The following MYO3B variants were observed in gnomAD, a reference collection of about 807,000 sequenced individuals.
MYO3B encodes the protein myosin IIIB.
In MYO3B, 156 loss-of-function variants were observed where a neutral mutation model predicts 174.6. The ratio of observed to expected loss-of-function variants is 0.89; its 90% confidence interval spans 0.78 to 1.02. MYO3B has a LOEUF of 1.02. MYO3B is among the 50% of genes least tolerant of loss of function. The probability of loss-of-function intolerance (pLI) is 0.00; values close to 1 mark genes in which losing one functional copy is unlikely to be tolerated. For missense variants in MYO3B, 1,632 were observed against 1,639.4 expected (o/e 1.00, Z 0.08); for synonymous variants, 563 against 569.1 (o/e 0.99, Z 0.15).
Position 170,556,703 on chromosome 2 carries a change from G to A in MYO3B, c.3733+12715G>A, listed in dbSNP as rs190424862. On this transcript the variant is annotated intron_variant, in intron 32 of 34. Coordinates refer to ENST00000408978, the MANE Select transcript of MYO3B (RefSeq NM_138995.5). ...CGTCTGGCTAATTTTTTGTATTTCA[G>A]TAGAAACGGGGTTTCACCATGTTAG... 2.6e-3 allele frequency among the ~76,000 whole-genome samples: 398 copies of A among 152,220 alleles called. 8 individuals carry two copies. Among genetic ancestry groups the A allele is most frequent in the East Asian group, 7.2e-3 (37 of 5,168 alleles).
At chr2:170,328,039 C>A (rs1269464853) in intron 7 of MYO3B, among the ~76,000 whole-genome samples, 1 of 151,846 alleles carries the variant, frequency 6.6e-6, no homozygotes, top group Non-Finnish European at 1.5e-5. Flanking sequence ...GTAGCTGATA[C>A]TACAGGCACC....
At chr2:170,585,384 G>T (rs554893333) in intron 32 of MYO3B, among the ~76,000 whole-genome samples, 23 of 151,640 alleles carry the variant, frequency 1.5e-4, no homozygotes, top group Admixed American at 4.6e-4. Flanking sequence ...CCCAAAAAAA[G>T]TATCAGTTCT....
intron 7 of MYO3B, among the ~76,000 whole-genome samples, chr2:170,306,212 G>A (rs1461425774): frequency 6.6e-6 from 1 of 152,164 alleles, no homozygotes; most frequent in Non-Finnish European, 1.5e-5. Flanking sequence ...AAAGACATAG[G>A]AAGTGGAGGC....
chr2:170,226,828 T>C (rs1008796079), intron 6 of MYO3B, among the ~76,000 whole-genome samples: 16 of 152,100 alleles, frequency 1.1e-4, no homozygotes, highest in African/African-American at 3.6e-4. Context: ...CATTTGGAAT[T>C]TTTAAGGCTG....
At chr2:170,528,671 G>C (rs1262778947) in intron 30 of MYO3B, among the ~76,000 whole-genome samples, 4 of 152,178 alleles carry the variant, frequency 2.6e-5, no homozygotes, top group African/African-American at 9.7e-5. Flanking sequence ...TTCCCAAAGT[G>C]CTGAGATTGC....
intron 23 of MYO3B, among the ~76,000 whole-genome samples, chr2:170,450,305 A>G (rs777296338): frequency 5.6e-4 from 86 of 152,232 alleles, no homozygotes; most frequent in Non-Finnish European, 9.8e-4. Flanking sequence ...TAATATCTAA[A>G]AGATTAATTA....
chr2:170,497,119 A>T (rs1382734064), intron 25 of MYO3B, among the ~76,000 whole-genome samples: 1 of 152,196 alleles, frequency 6.6e-6, no homozygotes, highest in Non-Finnish European at 1.5e-5. Context: ...GAAGCAGGTC[A>T]TAAGACCCAC....
At chr2:170,239,809 C>CAT (rs1373338499) in intron 7 of MYO3B, among the ~76,000 whole-genome samples, 3 of 152,214 alleles carry the variant, frequency 2.0e-5, no homozygotes, top group Admixed American at 6.5e-5. Context: ...TTTCTTAGGG[C>CAT]TGCTACAGCG....
chr2:170,361,924 A>T (rs2094164501), intron 8 of MYO3B, among the ~76,000 whole-genome samples: 1 of 152,160 alleles, frequency 6.6e-6, no homozygotes, highest in Admixed American at 6.5e-5. Flanking sequence ...GAACATAGTC[A>T]GTTAGTCTGG....
At chr2:170,568,034 T>C (rs1024758881) in intron 32 of MYO3B, among the ~76,000 whole-genome samples, 2 of 152,190 alleles carry the variant, frequency 1.3e-5, no homozygotes, top group African/African-American at 4.8e-5. Context: ...TACCCTCAGC[T>C]TTCAAAGCAG....
chr2:170,248,591 A>G (rs72887544), intron 7 of MYO3B, among the ~76,000 whole-genome samples: 19,537 of 152,142 alleles, frequency 0.13, 1,595 homozygotes, highest in South Asian at 0.2. Flanking sequence ...TGCCTTTTCC[A>G]GCTTCTAGAA....
chr2:170,614,799 G>GC (rs1223774318), intron 32 of MYO3B, among the ~76,000 whole-genome samples: 1 of 152,098 alleles, frequency 6.6e-6, no homozygotes. Flanking sequence ...GAATTCACAG[G>GC]CCCTATCTCT....
intron 32 of MYO3B, among the ~76,000 whole-genome samples, chr2:170,641,659 A>G (rs1434341904): frequency 6.6e-6 from 1 of 152,150 alleles, no homozygotes; most frequent in Non-Finnish European, 1.5e-5. Context: ...TGGAAGACAG[A>G]TATCTCTGGA....
intron 22 of MYO3B, among the ~76,000 whole-genome samples, chr2:170,409,817 C>T (rs2094534117): frequency 6.6e-6 from 1 of 152,246 alleles, no homozygotes; most frequent in African/African-American, 2.4e-5. Context: ...CTCCTTATGA[C>T]AATAGTTGCC....
At chr2:170,571,235 A>G (rs62168208) in intron 32 of MYO3B, among the ~76,000 whole-genome samples, 52,478 of 151,996 alleles carry the variant, frequency 0.35, 10,192 homozygotes, top group Non-Finnish European at 0.43. Flanking sequence ...TAGAAATATG[A>G]ATGATTCTGT....
At chr2:170,257,068 A>G (rs957725496) in intron 7 of MYO3B, among the ~76,000 whole-genome samples, 20 of 152,210 alleles carry the variant, frequency 1.3e-4, no homozygotes, top group African/African-American at 4.3e-4. Context: ...CTAAATATAT[A>G]TGCACTCAAT....
intron 7 of MYO3B, among the ~76,000 whole-genome samples, chr2:170,279,277 C>T (rs961562008): frequency 1.3e-5 from 2 of 152,084 alleles, no homozygotes; most frequent in South Asian, 2.1e-4. Context: ...CTTTTATCTG[C>T]GTCCTTGCCA....
chr2:170,354,688 G>T (rs1176340217), intron 8 of MYO3B, among the ~76,000 whole-genome samples: 7 of 152,100 alleles, frequency 4.6e-5, no homozygotes, highest in African/African-American at 1.4e-4. Flanking sequence ...ACTTTGCAAG[G>T]GTTAATTAGA....
intron 32 of MYO3B, among the ~76,000 whole-genome samples, chr2:170,610,854 A>G (rs1167823571): frequency 1.3e-5 from 2 of 152,238 alleles, no homozygotes; most frequent in Admixed American, 1.3e-4. Context: ...GCTTGTTCTA[A>G]TTATTGAGCA....
Sources: allele counts gnomAD v4.1 joint callset (sites outside exome capture counted in the v4.1 genomes callset), GRCh38; gene constraint gnomAD v4.1.1; transcripts MANE v1.5; gene names NCBI Gene and HGNC (gene_info 2026-07-23, HGNC 2026-07-21).